KCTD1: variants seen among roughly 807,000 people sequenced by gnomAD.
The protein encoded by KCTD1 is potassium channel tetramerization domain containing 1.
Under a neutral mutation model 66.0 loss-of-function variants are expected in KCTD1, and 24 were observed. The ratio of observed to expected loss-of-function variants is 0.36; its 90% CI spans 0.26 to 0.51. The LOEUF (loss-of-function observed/expected upper bound fraction) is 0.51. Among genes scored for constraint, KCTD1 ranks in the 20% least tolerant of loss-of-function variants. The pLI is 0.95. For synonymous variants in KCTD1, 511 were observed against 517.2 expected, an observed-to-expected ratio of 0.99 and a Z score of 0.16; for missense variants, 943 against 1,205.2, an observed-to-expected ratio of 0.78 and a Z score of 3.22.
intron 1 of KCTD1, among the ~76,000 whole-genome samples, chr18:26,525,964 C>T (rs776515336): frequency 2.0e-5 from 3 of 152,120 alleles, no homozygotes; most frequent in Admixed American, 6.5e-5. Context: ...GAGGGCAGGG[C>T]GCTTGTCATC....
At chr18:26,618,403 G>C (rs557638885) in intron 1 of KCTD1, among the ~76,000 whole-genome samples, 2 of 152,180 alleles carry the variant, frequency 1.3e-5, no homozygotes, top group Non-Finnish European at 2.9e-5. Flanking sequence ...GTGGACTAGA[G>C]CCTTTGCTTC....
chr18:26,649,019 A>C (rs192345387), intron 1 of KCTD1, among the ~76,000 whole-genome samples: 119 of 152,320 alleles, frequency 7.8e-4, no homozygotes, highest in Non-Finnish European at 1.4e-3. Context: ...CCTCACCCAC[A>C]TTGTATAGAT....
At chr18:26,604,302 A>G (rs1986963949) in intron 1 of KCTD1, among the ~76,000 whole-genome samples, 1 of 152,230 alleles carries the variant, frequency 6.6e-6, no homozygotes, top group Non-Finnish European at 1.5e-5. Flanking sequence ...AAACACTTAC[A>G]TACTGGTGAG....
chr18:26,555,562 C>G (rs1439652462), intron 1 of KCTD1, among the ~76,000 whole-genome samples: 1 of 152,182 alleles, frequency 6.6e-6, no homozygotes, highest in African/African-American at 2.4e-5. Context: ...TAGGAAATAT[C>G]CTGCTTTACT....
intron 2 of KCTD1, among the ~76,000 whole-genome samples, chr18:26,488,905 A>G (rs1244635493): frequency 6.6e-6 from 1 of 152,214 alleles, no homozygotes; most frequent in Admixed American, 6.5e-5. Context: ...ATAGCTGATA[A>G]AATTGTGGCA....
At chr18:26,528,255 G>A (rs897002644) in intron 1 of KCTD1, among the ~76,000 whole-genome samples, 5 of 152,152 alleles carry the variant, frequency 3.3e-5, no homozygotes, top group Admixed American at 1.3e-4. Context: ...CCTTTAATGG[G>A]GAGCCAGGAT....
chr18:26,474,030 A>G (rs192499077), intron 3 of KCTD1, among the ~76,000 whole-genome samples: 105 of 152,304 alleles, frequency 6.9e-4, no homozygotes, highest in African/African-American at 2.5e-3. Flanking sequence ...CTTCTTATTA[A>G]CTTGGGATCT....
rs143707506 is a variant in KCTD1, at chr18:26,505,016, C to T, written c.1810-3766G>A. Among the ~76,000 whole-genome samples, 617 of 152,346 alleles carry T rather than the reference C, an allele frequency of 4.0e-3. 7 individuals are homozygous for T. Among genetic ancestry groups the T allele is most frequent in the African/African-American group, 0.011 (453 of 41,578 alleles). The stretch of plus-strand genomic sequence containing the variant: ...GACATTGTTGACACACTGCATCAGC[C>T]ATCTCTCAGCCTCCCACCTCTAGAT... On this transcript the variant is annotated intron_variant, in intron 1 of 4. Transcript: ENST00000580059.
At chr18:26,552,485 T>C (rs1985597653), upstream of KCTD1, among the ~76,000 whole-genome samples, 1 of 152,216 alleles carries the variant, frequency 6.6e-6, no homozygotes. Context: ...AGCAGGGAAG[T>C]TTTTGTGAAA....
chr18:26,523,287 T>G (rs79187410), intron 1 of KCTD1, among the ~76,000 whole-genome samples: 1 of 152,314 alleles, frequency 6.6e-6, no homozygotes, highest in Non-Finnish European at 1.5e-5. Context: ...TTTCTTTAGA[T>G]ACCTATTGAA....
intron 1 of KCTD1, among the ~76,000 whole-genome samples, chr18:26,603,760 A>AAATAAATGAATG (rs1166265483): frequency 1.4e-5 from 1 of 71,194 alleles, no homozygotes; most frequent in East Asian, 8.4e-4. Flanking sequence ...TAAAATAAAT[A>AAATAAATGAATG]AATAAATAAA....
At chr18:26,593,555 GGAGGA>G (rs1238152852) in intron 1 of KCTD1, among the ~76,000 whole-genome samples, 15 of 134,346 alleles carry the variant, frequency 1.1e-4, no homozygotes, top group African/African-American at 2.6e-4. Context: ...AAGACGAGGA[GGAGGA>G]GGAGGAGGAA....
intron 1 of KCTD1, among the ~76,000 whole-genome samples, chr18:26,501,600 C>T (rs1356165370): frequency 6.6e-6 from 1 of 152,190 alleles, no homozygotes; most frequent in African/African-American, 2.4e-5. Context: ...AAATGACAAT[C>T]AAACACTTCA....
intron 1 of KCTD1, among the ~76,000 whole-genome samples, chr18:26,624,029 C>G (rs990981692): frequency 2.6e-5 from 4 of 152,194 alleles, no homozygotes; most frequent in Non-Finnish European, 5.9e-5. Flanking sequence ...ATGATTCTTG[C>G]TATGCTTTAG....
chr18:26,612,977 T>C (rs1180994639), intron 1 of KCTD1, among the ~76,000 whole-genome samples: 1 of 152,196 alleles, frequency 6.6e-6, no homozygotes, highest in African/African-American at 2.4e-5. Context: ...ATTTGATTTT[T>C]AATTGTACAG....
At chr18:26,586,256 T>C (rs1280583632) in intron 1 of KCTD1, among the ~76,000 whole-genome samples, 2 of 152,196 alleles carry the variant, frequency 1.3e-5, no homozygotes, top group African/African-American at 4.8e-5. Flanking sequence ...AAACTTTTTA[T>C]TATTATTATA....
chr18:26,568,508 A>T (rs1986033742), intron 1 of KCTD1, among the ~76,000 whole-genome samples: 1 of 152,070 alleles, frequency 6.6e-6, no homozygotes, highest in African/African-American at 2.4e-5. Flanking sequence ...AGGTGCTGGG[A>T]TTATGGGTTT....
At chr18:26,525,332 G>A (rs1984105268) in intron 1 of KCTD1, among the ~76,000 whole-genome samples, 1 of 152,186 alleles carries the variant, frequency 6.6e-6, no homozygotes, top group African/African-American at 2.4e-5. Flanking sequence ...AACAATGCAT[G>A]TGCTCTGATC....
At chr18:26,524,298 A>G (rs1984054487) in intron 1 of KCTD1, among the ~76,000 whole-genome samples, 4 of 152,200 alleles carry the variant, frequency 2.6e-5, no homozygotes, top group African/African-American at 7.2e-5. Context: ...CAGCGCTCAC[A>G]GGCTCCATCA....
Sources: allele counts gnomAD v4.1 joint callset (sites outside exome capture counted in the v4.1 genomes callset), GRCh38; gene constraint gnomAD v4.1.1; transcripts MANE v1.5; gene names NCBI Gene and HGNC (gene_info 2026-07-23, HGNC 2026-07-21).